The following ABCB5 variants were observed in gnomAD, a reference collection of about 807,000 sequenced individuals.
ABCB5 encodes ATP binding cassette subfamily B member 5, also known as ATP-binding cassette sub-family B member 5.
A neutral mutation model predicts 144.2 loss-of-function variants in ABCB5; 155 were observed. The ratio of observed to expected loss-of-function variants is 1.08; its 90% CI spans 0.94 to 1.23. ABCB5 has a LOEUF of 1.23. ABCB5 is among the 50% of genes most tolerant of loss of function. ABCB5 has a pLI of 0.00. For synonymous variants in ABCB5, 610 were observed against 528.6 expected (o/e 1.15, Z -2.11); for missense variants, 1,830 against 1,520.8 (o/e 1.20, Z -3.38).
chr7:20,691,300 G>C (rs940492852), intron 16 of ABCB5, among the ~76,000 whole-genome samples: 2 of 150,284 alleles, frequency 1.3e-5, no homozygotes, highest in African/African-American at 4.9e-5. Flanking sequence ...ACTTTGAGTT[G>C]AGGAGACAGA....
intron 20 of ABCB5, among the ~76,000 whole-genome samples, chr7:20,706,583 T>A (rs1786831905): frequency 6.6e-6 from 1 of 152,252 alleles, no homozygotes; most frequent in Admixed American, 6.5e-5. Flanking sequence ...TTGTTGCAGT[T>A]ATTAAGTGCT....
intron 19 of ABCB5, among the ~76,000 whole-genome samples, chr7:20,701,829 CTT>C (rs936366148): frequency 6.6e-6 from 1 of 152,192 alleles, no homozygotes; most frequent in Non-Finnish European, 1.5e-5. Flanking sequence ...CTTCAGCACT[CTT>C]TTTGATTCTT....
At chr7:20,734,052 G>A (rs1402637631) in intron 23 of ABCB5, among the ~76,000 whole-genome samples, 1 of 152,216 alleles carries the variant, frequency 6.6e-6, no homozygotes, top group South Asian at 2.1e-4. Flanking sequence ...ATTAAATGTG[G>A]TTATTGCCCA....
In ABCB5 at chr7:20,737,750, T is replaced by C. The variant is rs1173094233; in HGVS notation, c.2868-1233T>C. Among the ~76,000 whole-genome samples the C allele has an allele frequency of 4.7e-5, 7 of 148,586 alleles. No homozygotes were observed. In the South Asian group the frequency reaches 1.5e-3, roughly 31 times the overall value. ...GATTTTTCCTTGCATTAAAAACACA[T>C]TTAAAAAAAAAAACCTTCTGATTTG... On this transcript the variant is annotated intron_variant, in intron 23 of 27. Transcript: ENST00000404938.
intron 22 of ABCB5, among the ~76,000 whole-genome samples, chr7:20,727,448 T>C (rs777647462): frequency 6.6e-6 from 1 of 152,146 alleles, no homozygotes; most frequent in Non-Finnish European, 1.5e-5. Context: ...GAAAATAAAA[T>C]TGCGGGCAGG....
intron 1 of ABCB5, among the ~76,000 whole-genome samples, chr7:20,617,609 G>A (rs767999432): frequency 2.0e-5 from 3 of 152,086 alleles, no homozygotes; most frequent in African/African-American, 7.2e-5. Flanking sequence ...AAACCACTTC[G>A]ACAATCTTGT....
At chr7:20,663,962 C>T (rs1223424041) in intron 14 of ABCB5, among the ~76,000 whole-genome samples, 4 of 151,650 alleles carry the variant, frequency 2.6e-5, no homozygotes, top group Admixed American at 6.6e-5. Flanking sequence ...ATGATCCACG[C>T]GCCTCGGCCT....
At chr7:20,699,994 A>G (rs1219098270) in intron 18 of ABCB5, 64 bp from the exon 19 acceptor site, 17 of 1,598,142 alleles carry the variant, frequency 1.1e-5, no homozygotes, top group Admixed American at 1.7e-5. Context: ...TATTTGAGTT[A>G]AAAATATATC....
intron 17 of ABCB5, 43 bp from the exon 18 acceptor site, chr7:20,699,782 A>G (rs746613592): frequency 7.5e-7 from 1 of 1,340,336 alleles, no homozygotes; most frequent in Admixed American, 2.2e-5. Context: ...TGTTTCTTTT[A>G]TATTTTCCCC....
chr7:20,724,402 C>T (rs1041606046), intron 21 of ABCB5, among the ~76,000 whole-genome samples: 4 of 151,866 alleles, frequency 2.6e-5, no homozygotes, highest in South Asian at 4.2e-4. Flanking sequence ...CCGAGATGGG[C>T]GGATCTTTTG....
chr7:20,746,290 G>A (rs548188869), intron 26 of ABCB5, among the ~76,000 whole-genome samples: 2 of 152,042 alleles, frequency 1.3e-5, no homozygotes, highest in South Asian at 2.1e-4. Flanking sequence ...GTAGAGAAGG[G>A]GTTTCTCCAT....
intron 1 of ABCB5, among the ~76,000 whole-genome samples, chr7:20,616,893 T>C (rs1158589741): frequency 6.6e-6 from 1 of 152,240 alleles, no homozygotes; most frequent in Non-Finnish European, 1.5e-5. Context: ...TTTGTCTCAG[T>C]GCACTTTTCT....
chr7:20,743,927 AACAT>A (rs1203891322), intron 25 of ABCB5, among the ~76,000 whole-genome samples: 1 of 152,106 alleles, frequency 6.6e-6, no homozygotes, highest in Non-Finnish European at 1.5e-5. Flanking sequence ...CCACAGTTAG[AACAT>A]ACCAGTCTAT....
rs147694151 is a variant in ABCB5 at position 20,636,896 on chromosome 7, A to G, written c.314+4783A>G. ...TGTTAATATTTTTGAAATATTTGAG[A>G]TACATATTAAAGAAGACTCTTCAGT... On this transcript the variant is annotated intron_variant, in intron 5 of 27. Transcript: ENST00000404938. Among the ~76,000 whole-genome samples, 37 of 152,032 alleles carry G rather than the reference A, an allele frequency of 2.4e-4. 1 individual carries two copies. Among genetic ancestry groups the G allele is most frequent in the African/African-American group, 6.5e-4 (27 of 41,500 alleles).
intron 20 of ABCB5, among the ~76,000 whole-genome samples, chr7:20,711,778 C>CACTTTCTTTCTT: frequency 2.1e-5 from 1 of 47,146 alleles, no homozygotes; most frequent in South Asian, 8.7e-4. Context: ...TTCCTTCTTT[C>CACTTTCTTTCTT]TCTTTCTTTC....
intron 7 of ABCB5, among the ~76,000 whole-genome samples, chr7:20,643,984 T>A (rs1006235090): frequency 6.6e-6 from 1 of 152,170 alleles, no homozygotes; most frequent in Non-Finnish European, 1.5e-5. Context: ...AATTCACAGA[T>A]CAACATGGTA....
Position 20,745,277 on chromosome 7 carries a change from C to G in ABCB5, c.3268C>G (p.Arg1090Gly). 6.2e-7 allele frequency: 1 copy of G among 1,613,958 alleles called. No homozygotes were observed. Among genetic ancestry groups the G allele is most frequent in the Non-Finnish European group, 8.5e-7 (1 of 1,179,896 alleles). The change falls in exon 26 of 28, where the codon CGT becomes GGT. Residue 1090 changes from arginine to glycine, a missense_variant. By Grantham distance (125) the Arg-to-Gly change is moderately radical (BLOSUM62 -2). Coordinates refer to ENST00000404938, the MANE Select transcript of ABCB5 (RefSeq NM_001163941.2). Reference sequence around the variant, plus strand: ...AAAAGAATTGAATGTACAGTGGCTCCGTTCCCAAATAGCAATCGTTCCTCA... The same window carrying G: ...AAAAGAATTGAATGTACAGTGGCTCGGTTCCCAAATAGCAATCGTTCCTCA... ...DAKELNVQWL[R>G]SQIAIVPQEP...
At chr7:20,669,314 A>G (rs1341760796) in intron 14 of ABCB5, among the ~76,000 whole-genome samples, 1 of 147,064 alleles carries the variant, frequency 6.8e-6, no homozygotes, top group African/African-American at 2.6e-5. Flanking sequence ...AAAATTGAGA[A>G]ATCGGATGGT....
intron 20 of ABCB5, among the ~76,000 whole-genome samples, chr7:20,720,943 CA>C (rs71020677): frequency 0.021 from 1,469 of 71,028 alleles, 5 homozygotes; most frequent in African/African-American, 0.056. Flanking sequence ...AACTCTGCCT[CA>C]AAAAAAAAAA....
Sources: gnomAD v4.1 joint callset for allele counts (sites outside exome capture counted in the v4.1 genomes callset) on GRCh38, gnomAD v4.1.1 for gene constraint, MANE v1.5 for transcripts, NCBI Gene and HGNC (gene_info 2026-07-23, HGNC 2026-07-21) for gene names.